IL1RAP: variants seen among roughly 807,000 people sequenced by gnomAD.
The protein encoded by IL1RAP is interleukin 1 receptor accessory protein, also known as interleukin-1 receptor accessory protein.
IL1RAP carries 35 observed loss-of-function variants against 60.7 expected under a neutral mutation model. The ratio of observed to expected loss-of-function variants is 0.58; its 90% CI spans 0.44 to 0.76. IL1RAP has a LOEUF of 0.76. Among genes scored for constraint, IL1RAP ranks in the 30% least tolerant of loss-of-function variants. The probability of loss-of-function intolerance (pLI) is 0.00; values close to 1 mark genes in which losing one functional copy is unlikely to be tolerated. For synonymous variants in IL1RAP, 268 were observed against 250.9 expected, an observed-to-expected ratio of 1.07 and a Z score of -0.64; for missense variants, 572 against 693.9, an observed-to-expected ratio of 0.82 and a Z score of 1.97.
chr3:190,655,745 T>G, downstream of IL1RAP: 4 of 600,548 alleles, frequency 6.7e-6, no homozygotes, highest in South Asian at 2.5e-5. Context: ...TGTAGATTTT[T>G]TTGACTGGGT....
intron 3 of IL1RAP, among the ~76,000 whole-genome samples, chr3:190,568,655 T>G (rs919810234): frequency 2.0e-5 from 3 of 152,224 alleles, no homozygotes; most frequent in Non-Finnish European, 4.4e-5. Context: ...TTTTTGTCAT[T>G]GCATCCTTAT....
chr3:190,586,491 C>T (rs59967232), intron 3 of IL1RAP, among the ~76,000 whole-genome samples: 130 of 152,332 alleles, frequency 8.5e-4, no homozygotes, highest in African/African-American at 3.0e-3. Flanking sequence ...AAAGACAGCC[C>T]TGTTTCCCTA....
In IL1RAP at chr3:190,620,434, G is replaced by A; in HGVS notation, c.697G>A (p.Val233Ile). 6.8e-6 allele frequency: 11 copies of A among 1,610,698 alleles called. No homozygotes were observed. Among genetic ancestry groups the A allele is most frequent in the Non-Finnish European group, 9.3e-6 (11 of 1,178,874 alleles). ...TCTCACCAGGACTCTGACTGTAAAGGTAGTAGGTAAGCATGATTAGTGTCC... is the reference window on the plus strand; with the variant it reads ...TCTCACCAGGACTCTGACTGTAAAGATAGTAGGTAAGCATGATTAGTGTCC... ...FHLTRTLTVK[V>I]VGSPKNAVPP... is the part of the protein sequence containing the mutation. Residue 233 changes from valine to isoleucine, a missense_variant, in exon 6 of 12, where the codon GTA (valine) becomes ATA (isoleucine). Val to Ile is a conservative substitution (Grantham distance 29). Transcript: ENST00000447382.
At chr3:190,609,890 C>T (rs1730671721) in intron 5 of IL1RAP, among the ~76,000 whole-genome samples, 1 of 152,144 alleles carries the variant, frequency 6.6e-6, no homozygotes, top group African/African-American at 2.4e-5. Flanking sequence ...TGGTGTCTGT[C>T]AGACTTGACA....
intron 3 of IL1RAP, among the ~76,000 whole-genome samples, chr3:190,567,571 A>G (rs1268101839): frequency 3.3e-5 from 5 of 152,178 alleles, no homozygotes; most frequent in African/African-American, 4.8e-5. Flanking sequence ...GATTCCTGAC[A>G]TCCATATTAT....
At chr3:190,552,205 A>T (rs532934124) in intron 1 of IL1RAP, among the ~76,000 whole-genome samples, 1 of 152,352 alleles carries the variant, frequency 6.6e-6, no homozygotes, top group African/African-American at 2.4e-5. Flanking sequence ...AAATTATTTT[A>T]CAAAAATGAT....
intron 3 of IL1RAP, among the ~76,000 whole-genome samples, chr3:190,570,551 ATATTTATTTATT>A (rs142993218): frequency 2.0e-5 from 3 of 150,232 alleles, no homozygotes; most frequent in African/African-American, 7.4e-5. Flanking sequence ...AGATACTTTC[ATATTTATTTATT>A]TATTTATTTA....
intron 3 of IL1RAP, among the ~76,000 whole-genome samples, chr3:190,602,721 A>G (rs1729965274): frequency 6.6e-6 from 1 of 152,244 alleles, no homozygotes. Context: ...TCAAAATGGC[A>G]TTACTTATGA....
chr3:190,582,659 C>T (rs1429213878), intron 3 of IL1RAP, among the ~76,000 whole-genome samples: 1 of 152,178 alleles, frequency 6.6e-6, no homozygotes, highest in Non-Finnish European at 1.5e-5. Context: ...TTAGCTGTTT[C>T]TCCTTCACTT....
At chr3:190,645,514 C>T (rs946896951) in intron 10 of IL1RAP, among the ~76,000 whole-genome samples, 185 bp from the exon 11 acceptor site, 1 of 152,158 alleles carries the variant, frequency 6.6e-6, no homozygotes, top group Admixed American at 6.6e-5. Flanking sequence ...GAGGATATAT[C>T]AGATAACATT....
chr3:190,632,698 C>A (rs536332835), intron 9 of IL1RAP, among the ~76,000 whole-genome samples: 1 of 152,006 alleles, frequency 6.6e-6, no homozygotes, highest in African/African-American at 2.4e-5. Context: ...GAAAGGTATC[C>A]TTCTGTGTTT....
At chr3:190,575,730 G>C (rs10440061) in intron 3 of IL1RAP, among the ~76,000 whole-genome samples, 4,347 of 152,278 alleles carry the variant, frequency 0.029, 228 homozygotes, top group African/African-American at 0.099. Flanking sequence ...GGGCAGGACT[G>C]TTACATTATC....
chr3:190,608,437 A>G (rs1028857198), intron 4 of IL1RAP, among the ~76,000 whole-genome samples: 4 of 152,190 alleles, frequency 2.6e-5, no homozygotes. Flanking sequence ...GGCACTTATC[A>G]TGGATAGAGC....
Position 190,649,101 on chromosome 3 carries a change from G to A in IL1RAP, c.*396G>A, listed in dbSNP as rs1304844637. 1.2e-5 allele frequency: 12 copies of A among 988,388 alleles called. No homozygotes were observed. Among genetic ancestry groups the A allele is most frequent in the Non-Finnish European group, 2.4e-6 (2 of 832,040 alleles). 61.2% of individuals were successfully genotyped at this position (988,388 alleles called of 1,614,324 possible). A position where few individuals can be genotyped will look rare whatever the true frequency, so the allele number is the denominator to read the frequency against. Reference sequence around the variant, plus strand: ...ACTGTTGACAGGGTCATGAGTTTCCGAGTATAGTTTTCTTTTTATCTTATT... The same window carrying A: ...ACTGTTGACAGGGTCATGAGTTTCCAAGTATAGTTTTCTTTTTATCTTATT... On this transcript the variant is annotated 3_prime_UTR_variant, in exon 12 of 12. Coordinates refer to ENST00000447382, the MANE Select transcript of IL1RAP (RefSeq NM_002182.4).
chr3:190,659,736 C>T (rs188502002), exon 12 of IL1RAP: 79 of 152,262 alleles, frequency 5.2e-4, no homozygotes, highest in Admixed American at 3.7e-3. Context: ...AATAAAGATA[C>T]TATTATCAAC....
chr3:190,546,131 A>G (rs1254572258), intron 1 of IL1RAP, among the ~76,000 whole-genome samples: 2 of 152,142 alleles, frequency 1.3e-5, no homozygotes, highest in African/African-American at 4.8e-5. Flanking sequence ...CCTATTTCCT[A>G]TTGCTGTTCT....
At chr3:190,557,581 G>T (rs879748423) in intron 2 of IL1RAP, among the ~76,000 whole-genome samples, 1 of 152,118 alleles carries the variant, frequency 6.6e-6, no homozygotes, top group Non-Finnish European at 1.5e-5. Context: ...GCTGAAAGTT[G>T]GGGCATTTCA....
chr3:190,645,591 T>A, intron 10 of IL1RAP, 108 bp from the exon 11 acceptor site: 1 of 850,750 alleles, frequency 1.2e-6, no homozygotes, highest in Non-Finnish European at 1.8e-6. Flanking sequence ...CGCACTGGAA[T>A]CTGTCACATA....
At chr3:190,611,182 C>T (rs1397797533) in intron 5 of IL1RAP, among the ~76,000 whole-genome samples, 1 of 152,122 alleles carries the variant, frequency 6.6e-6, no homozygotes, top group Non-Finnish European at 1.5e-5. Flanking sequence ...TAAATCTAGG[C>T]ATCTAAGCAT....
Sources: gnomAD v4.1 joint callset for allele counts (sites outside exome capture counted in the v4.1 genomes callset) on GRCh38, gnomAD v4.1.1 for gene constraint, MANE v1.5 for transcripts, NCBI Gene and HGNC (gene_info 2026-07-23, HGNC 2026-07-21) for gene names.